The following GALNTL6 variants were observed in gnomAD, a reference collection of about 807,000 sequenced individuals.
GALNTL6 encodes polypeptide N-acetylgalactosaminyltransferase-like 6.
In GALNTL6, 46 loss-of-function variants were observed where a neutral mutation model predicts 73.7. That is an observed-to-expected ratio of 0.62 (90% CI 0.49 to 0.80). GALNTL6 has a LOEUF of 0.80. Ranked by LOEUF, GALNTL6 falls within the 30% of genes least tolerant of loss-of-function variation. The pLI is 0.00. For synonymous variants in GALNTL6, 259 were observed against 263.7 expected (o/e 0.98, Z 0.17); for missense variants, 604 against 755.0 (o/e 0.80, Z 2.34).
intron 2 of GALNTL6, among the ~76,000 whole-genome samples, chr4:172,107,702 G>A (rs1435707286): frequency 6.7e-6 from 1 of 149,294 alleles, no homozygotes; most frequent in East Asian, 2.0e-4. Context: ...GGGAGGGATA[G>A]CATTAGGAGA....
intron 2 of GALNTL6, among the ~76,000 whole-genome samples, chr4:171,858,121 G>A (rs1295274611): frequency 1.3e-5 from 2 of 152,036 alleles, no homozygotes; most frequent in East Asian, 3.8e-4. Context: ...TCTAGGCATA[G>A]AAAGCAATAT....
intron 8 of GALNTL6, among the ~76,000 whole-genome samples, chr4:172,885,786 A>G (rs964132424): frequency 1.3e-5 from 2 of 152,186 alleles, no homozygotes; most frequent in Admixed American, 6.5e-5. Context: ...AATTTTACCA[A>G]TACTTTTTCA....
intron 2 of GALNTL6, among the ~76,000 whole-genome samples, chr4:172,184,975 A>G (rs1735373296): frequency 6.6e-6 from 1 of 152,202 alleles, no homozygotes; most frequent in South Asian, 2.1e-4. Flanking sequence ...ACACTGTTGC[A>G]TTGGGAATTA....
At chr4:171,969,855 C>T (rs937558232) in intron 2 of GALNTL6, among the ~76,000 whole-genome samples, 5 of 151,940 alleles carry the variant, frequency 3.3e-5, no homozygotes, top group African/African-American at 9.7e-5. Context: ...CTGCAACCTC[C>T]GCCTTCAGAG....
chr4:172,878,597 TATG>T (rs1193574000), intron 7 of GALNTL6, among the ~76,000 whole-genome samples: 1 of 151,846 alleles, frequency 6.6e-6, no homozygotes, highest in Admixed American at 6.6e-5. Flanking sequence ...CATAAACCAT[TATG>T]ATAACAAAGA....
intron 5 of GALNTL6, among the ~76,000 whole-genome samples, chr4:172,760,704 G>A (rs1306045212): frequency 1.3e-5 from 2 of 152,132 alleles, no homozygotes; most frequent in African/African-American, 2.4e-5. Flanking sequence ...CCTTCAGCCA[G>A]CTGCACTCAC....
chr4:172,308,786 C>T (rs939714432), intron 3 of GALNTL6, among the ~76,000 whole-genome samples: 24 of 152,054 alleles, frequency 1.6e-4, no homozygotes, highest in African/African-American at 4.6e-4. Context: ...TAAACATTTC[C>T]GCACGTTATA....
chr4:172,247,362 T>C (rs1449324377), intron 3 of GALNTL6, among the ~76,000 whole-genome samples: 2 of 152,158 alleles, frequency 1.3e-5, no homozygotes, highest in Non-Finnish European at 2.9e-5. Flanking sequence ...GATGGTTTCT[T>C]AGAGACGTGG....
At chr4:171,970,743 A>G (rs1739544268) in intron 2 of GALNTL6, among the ~76,000 whole-genome samples, 1 of 152,214 alleles carries the variant, frequency 6.6e-6, no homozygotes, top group South Asian at 2.1e-4. Flanking sequence ...TGAGCACAAA[A>G]TGCAAAATAA....
At chr4:172,521,837 GA>G (rs1424704965) in intron 5 of GALNTL6, among the ~76,000 whole-genome samples, 1 of 152,122 alleles carries the variant, frequency 6.6e-6, no homozygotes, top group Non-Finnish European at 1.5e-5. Context: ...TAAATTATAT[GA>G]AAACAGTCAA....
intron 9 of GALNTL6, among the ~76,000 whole-genome samples, chr4:172,944,565 G>A (rs569262412): frequency 3.0e-4 from 46 of 152,262 alleles, no homozygotes; most frequent in African/African-American, 1.0e-3. Context: ...TTAAAAGTTA[G>A]ACACATACCT....
chr4:172,805,631 A>C (rs1397982169), intron 5 of GALNTL6, among the ~76,000 whole-genome samples: 1 of 152,208 alleles, frequency 6.6e-6, no homozygotes, highest in Non-Finnish European at 1.5e-5. Context: ...TGGCTTATAA[A>C]TAAAACCCCG....
At chr4:173,021,705 C>A (rs1210327766) in intron 12 of GALNTL6, 80 bp downstream of exon 12, 13 of 1,454,532 alleles carry the variant, frequency 8.9e-6, no homozygotes, top group Admixed American at 3.5e-5. Flanking sequence ...GAAAACACAC[C>A]GTTTTAGGCC....
intron 10 of GALNTL6, among the ~76,000 whole-genome samples, chr4:173,004,645 TA>T (rs1279095429): frequency 3.3e-5 from 5 of 151,498 alleles, no homozygotes; most frequent in Non-Finnish European, 1.5e-5. Context: ...ACTAACTAAA[TA>T]AATAAATAAA....
At chr4:172,823,245 C>T (rs1026929404) in intron 7 of GALNTL6, among the ~76,000 whole-genome samples, 1 of 152,228 alleles carries the variant, frequency 6.6e-6, no homozygotes, top group African/African-American at 2.4e-5. Flanking sequence ...ATATTAGCTT[C>T]ATTTCACTTC....
At chr4:172,892,257 G>C (rs1268293443) in intron 8 of GALNTL6, among the ~76,000 whole-genome samples, 1 of 152,174 alleles carries the variant, frequency 6.6e-6, no homozygotes, top group Non-Finnish European at 1.5e-5. Flanking sequence ...ATATGAGGAG[G>C]CTGGCAATTC....
At chr4:172,743,716 G>A (rs915339958) in intron 5 of GALNTL6, among the ~76,000 whole-genome samples, 1 of 152,126 alleles carries the variant, frequency 6.6e-6, no homozygotes, top group African/African-American at 2.4e-5. Flanking sequence ...CTGTGCAGAT[G>A]TGCTATCATC....
At chr4:172,300,868 G>T (rs1739888228) in intron 3 of GALNTL6, among the ~76,000 whole-genome samples, 3 of 152,094 alleles carry the variant, frequency 2.0e-5, no homozygotes, top group South Asian at 4.1e-4. Context: ...TTCTCGAGGA[G>T]TATCTTTGTG....
chr4:173,001,205 A>T (rs10023578), intron 10 of GALNTL6, among the ~76,000 whole-genome samples: 3 of 152,168 alleles, frequency 2.0e-5, no homozygotes, highest in Non-Finnish European at 4.4e-5. Context: ...ACCAACCTGC[A>T]AACACCTTGA....
Sources: gnomAD v4.1 joint callset for allele counts (sites outside exome capture counted in the v4.1 genomes callset) on GRCh38, gnomAD v4.1.1 for gene constraint, MANE v1.5 for transcripts, NCBI Gene and HGNC (gene_info 2026-07-23, HGNC 2026-07-21) for gene names.